The following VRK2 variants were observed in gnomAD, a reference collection of about 807,000 sequenced individuals.
VRK2 encodes the protein VRK serine/threonine kinase 2.
In VRK2, 60 loss-of-function variants were observed where a neutral mutation model predicts 57.6. That is an observed-to-expected ratio of 1.04 (90% confidence interval 0.85 to 1.29). The LOEUF (loss-of-function observed/expected upper bound fraction) is 1.29. Ranked by LOEUF, VRK2 falls within the 50% of genes most tolerant of loss-of-function variation. The pLI, the probability that VRK2 is intolerant of heterozygous loss-of-function variation, is 0.00. For synonymous variants in VRK2, 231 were observed against 199.2 expected (o/e 1.16, Z -1.35); for missense variants, 705 against 588.1 (o/e 1.20, Z -2.06).
intron 2 of VRK2, among the ~76,000 whole-genome samples, chr2:58,069,807 A>AG (rs1669137835): frequency 6.6e-6 from 1 of 152,258 alleles, no homozygotes; most frequent in East Asian, 1.9e-4. Flanking sequence ...CTTCTTAACT[A>AG]GAGAGCTTCT....
chr2:57,923,418 C>T (rs1397487996), intron 1 of VRK2, among the ~76,000 whole-genome samples: 5 of 151,902 alleles, frequency 3.3e-5, no homozygotes, highest in Non-Finnish European at 7.4e-5. Context: ...AGATAAAAGT[C>T]ATTTTAACTG....
chr2:57,967,272 T>C (rs1376167722), intron 1 of VRK2, among the ~76,000 whole-genome samples: 1 of 152,022 alleles, frequency 6.6e-6, no homozygotes, highest in East Asian at 1.9e-4. Flanking sequence ...ATACCTAATG[T>C]AGATGACGGG....
upstream of VRK2, chr2:58,046,626 T>C: frequency 1.0e-6 from 1 of 985,526 alleles, no homozygotes; most frequent in Non-Finnish European, 1.2e-6. Flanking sequence ...CTCCTTCCCC[T>C]GGGCGTCTCC....
chr2:58,131,942 A>G lies in VRK2; in HGVS notation c.797+14A>G, dbSNP rs1344139981. ...TGCTAAAACAAAGTACAAATTTTCAAGTATTTCATCATGTACTGCACCAGG... is the reference window on the plus strand; with the variant it reads ...TGCTAAAACAAAGTACAAATTTTCAGGTATTTCATCATGTACTGCACCAGG... On this transcript the variant is annotated intron_variant, in intron 9 of 12. Transcript: ENST00000340157. The G allele has an allele frequency of 2.5e-6, 4 of 1,613,884 alleles. No individual in the cohort carries two copies. The highest frequency in any genetic ancestry group is 3.4e-6 in the Non-Finnish European group (4 of 1,179,934).
chr2:58,075,004 A>G (rs1669887113), intron 2 of VRK2, among the ~76,000 whole-genome samples: 1 of 151,986 alleles, frequency 6.6e-6, no homozygotes, highest in Non-Finnish European at 1.5e-5. Flanking sequence ...CACCTAGGTA[A>G]TCAGCATATT....
intron 8 of VRK2, among the ~76,000 whole-genome samples, chr2:58,126,613 T>G (rs903712547): frequency 6.6e-6 from 1 of 152,084 alleles, no homozygotes; most frequent in East Asian, 1.9e-4. Context: ...TATCTGTATG[T>G]TTTTTTAAAA....
intron 1 of VRK2, among the ~76,000 whole-genome samples, chr2:57,977,038 A>C (rs1672273011): frequency 6.6e-6 from 1 of 152,008 alleles, no homozygotes; most frequent in Non-Finnish European, 1.5e-5. Context: ...GTGTGGCTTT[A>C]TCTCTTGGTT....
intron 1 of VRK2, among the ~76,000 whole-genome samples, chr2:57,959,446 G>C (rs1217588576): frequency 6.6e-6 from 1 of 151,922 alleles, no homozygotes; most frequent in Non-Finnish European, 1.5e-5. Flanking sequence ...TTCTGCTCCA[G>C]CTCTTTGTGA....
chr2:58,088,403 G>C lies in VRK2; in HGVS notation c.407G>C (p.Gly136Ala). The C allele has an allele frequency of 6.2e-7, 1 of 1,613,476 alleles. No individual in the cohort carries two copies. Among genetic ancestry groups the C allele is most frequent in the South Asian group, 1.1e-5 (1 of 91,004 alleles). ...IDLQKISGQN[G>A]TFKKSTVLQL... ...TTACAGAAGATCTCAGGCCAGAATG[G>C]TACCTTTAAAAAGTCAACTGTCCTG... The change falls in exon 6 of 13, where the codon GGT becomes GCT. Residue 136 changes from glycine to alanine, a missense_variant. Transcript: ENST00000340157.
At chr2:58,016,812 C>T in intron 1 of VRK2, among the ~76,000 whole-genome samples, 1 of 152,130 alleles carries the variant, frequency 6.6e-6, no homozygotes, top group African/African-American at 2.4e-5. Flanking sequence ...TGGAATAAAT[C>T]TGTTTTTATT....
intron 7 of VRK2, among the ~76,000 whole-genome samples, chr2:58,097,123 G>C (rs990474723): frequency 6.6e-6 from 1 of 151,938 alleles, no homozygotes; most frequent in Non-Finnish European, 1.5e-5. Context: ...TTGAGAAAAA[G>C]GTAGTCTTAT....
chr2:58,091,326 C>G (rs1014696796), intron 7 of VRK2, among the ~76,000 whole-genome samples: 13 of 152,126 alleles, frequency 8.5e-5, no homozygotes, highest in Non-Finnish European at 1.6e-4. Flanking sequence ...TGGGAACTCA[C>G]TGTATTTTCC....
chr2:58,102,339 A>G (rs909693581), intron 7 of VRK2, among the ~76,000 whole-genome samples: 8 of 151,470 alleles, frequency 5.3e-5, no homozygotes, highest in African/African-American at 1.2e-4. Flanking sequence ...AACCAACTAT[A>G]TACTAGTTAC....
chr2:57,937,217 C>T (rs1411236498), intron 1 of VRK2, among the ~76,000 whole-genome samples: 1 of 152,194 alleles, frequency 6.6e-6, no homozygotes, highest in African/African-American at 2.4e-5. Flanking sequence ...TCAAATACTT[C>T]TTCATTGCTT....
chr2:58,142,879 CTATAA>C, intron 11 of VRK2, among the ~76,000 whole-genome samples: 1 of 151,914 alleles, frequency 6.6e-6, no homozygotes, highest in South Asian at 2.1e-4. Flanking sequence ...CAGTAATATA[CTATAA>C]TATGTTAGTA....
chr2:58,032,371 G>T (rs1194998636), intron 2 of VRK2, among the ~76,000 whole-genome samples: 1 of 152,060 alleles, frequency 6.6e-6, no homozygotes, highest in Non-Finnish European at 1.5e-5. Flanking sequence ...GACACTGGAA[G>T]ATTCATTGTC....
Position 57,954,307 on chromosome 2 carries a change from T to C in VRK2, c.-439+46468T>C, listed in dbSNP as rs1426576391. ...ATTATGGATTTGATTCTATTCAAAC[T>C]GAGTTCTATACAGTGGAAATTGTAT... On this transcript the variant is annotated intron_variant, in intron 1 of 15. Transcript: ENST00000417641. 2.6e-5 allele frequency among the ~76,000 whole-genome samples: 4 copies of C among 152,204 alleles called. No individual in the cohort carries two copies. In the South Asian group the frequency reaches 8.3e-4, roughly 32 times the overall value.
chr2:57,936,010 T>C (rs1032684413), intron 1 of VRK2, among the ~76,000 whole-genome samples: 3 of 152,140 alleles, frequency 2.0e-5, no homozygotes, highest in Non-Finnish European at 2.9e-5. Flanking sequence ...GCTGCATCTG[T>C]GGGGGAGAAG....
intron 2 of VRK2, among the ~76,000 whole-genome samples, chr2:58,050,701 C>A (rs1017804821): frequency 6.6e-6 from 1 of 151,994 alleles, no homozygotes; most frequent in African/African-American, 2.4e-5. Context: ...TGTCTGTATA[C>A]CTGTATGTAT....
Sources: allele counts gnomAD v4.1 joint callset (sites outside exome capture counted in the v4.1 genomes callset), GRCh38; gene constraint gnomAD v4.1.1; transcripts MANE v1.5; gene names NCBI Gene and HGNC (gene_info 2026-07-23, HGNC 2026-07-21).